Variants in CDH13 observed in about 807,000 individuals in gnomAD.
CDH13 encodes the protein cadherin 13.
In CDH13, 24 loss-of-function variants were observed where a neutral mutation model predicts 63.8. The observed-to-expected ratio is 0.38, with a 90% CI of 0.27 to 0.53. The LOEUF is 0.53. CDH13 is among the 20% of genes least tolerant of loss of function. The pLI is 0.85. For synonymous variants in CDH13, 503 were observed against 355.3 expected, an observed-to-expected ratio of 1.42 and a Z score of -4.67; for missense variants, 1,049 against 903.1, an observed-to-expected ratio of 1.16 and a Z score of -2.07.
intron 6 of CDH13, among the ~76,000 whole-genome samples, chr16:83,434,199 C>A (rs2072213895): frequency 6.6e-6 from 1 of 152,126 alleles, no homozygotes; most frequent in African/African-American, 2.4e-5. Flanking sequence ...AGCATCTCAA[C>A]GAACTCTGCT....
intron 3 of CDH13, among the ~76,000 whole-genome samples, chr16:83,076,442 G>T (rs2032841632): frequency 6.6e-6 from 1 of 152,128 alleles, no homozygotes; most frequent in Non-Finnish European, 1.5e-5. Flanking sequence ...TCCTTGCATG[G>T]CATTAAGGGA....
intron 3 of CDH13, among the ~76,000 whole-genome samples, chr16:83,035,390 C>G (rs1916756450): frequency 6.6e-6 from 1 of 152,264 alleles, no homozygotes; most frequent in African/African-American, 2.4e-5. Flanking sequence ...GGCTGGTCCT[C>G]AAAGCACCAA....
chr16:82,751,980 C>T (rs8048858), intron 1 of CDH13, among the ~76,000 whole-genome samples: 2,335 of 152,296 alleles, frequency 0.015, 58 homozygotes, highest in African/African-American at 0.053. Flanking sequence ...ACAGGCTAAA[C>T]GCCAACAAAC....
At chr16:83,713,464 G>A (rs1020935796) in intron 10 of CDH13, among the ~76,000 whole-genome samples, 1 of 150,162 alleles carries the variant, frequency 6.7e-6, no homozygotes, top group Admixed American at 6.6e-5. Flanking sequence ...GGGAAAACAC[G>A]AACCAAGTAG....
intron 5 of CDH13, among the ~76,000 whole-genome samples, chr16:83,256,093 G>A (rs1906226646): frequency 6.6e-6 from 1 of 152,178 alleles, no homozygotes; most frequent in East Asian, 1.9e-4. Flanking sequence ...AAGTACAGTG[G>A]CACCATCTTT....
In CDH13 at chr16:83,497,045, G is replaced by A. The variant is rs139948430; in HGVS notation, c.960+10390G>A. Among the ~76,000 whole-genome samples the A allele has an allele frequency of 4.0e-3, 612 of 152,230 alleles. 1 individual carries two copies. Among genetic ancestry groups the A allele is most frequent in the African/African-American group, 0.013 (520 of 41,536 alleles). On this transcript the variant is annotated intron_variant, in intron 7 of 13. Transcript: ENST00000567109. The stretch of plus-strand genomic sequence containing the variant: ...GGAGAGGATGTGGAGAAATAGGAAC[G>A]CTTTTACACTGTTGGTGGGACTGTA...
intron 6 of CDH13, among the ~76,000 whole-genome samples, chr16:83,369,240 T>G (rs1157754079): frequency 6.6e-6 from 1 of 151,882 alleles, no homozygotes; most frequent in African/African-American, 2.4e-5. Context: ...GGAACACTTT[T>G]TACACTGTTG....
chr16:83,343,863 G>C (rs890036752), intron 5 of CDH13, among the ~76,000 whole-genome samples: 24 of 152,128 alleles, frequency 1.6e-4, no homozygotes, highest in African/African-American at 5.8e-4. Flanking sequence ...AGATCCAAAG[G>C]GTTGTTATGA....
At chr16:83,578,344 C>T (rs8051769) in intron 7 of CDH13, among the ~76,000 whole-genome samples, 96,651 of 152,008 alleles carry the variant, frequency 0.64, 30,915 homozygotes, top group East Asian at 0.78. Context: ...GGGCACAGAC[C>T]GGGCGGTCAA....
At position 82,694,045 on chromosome 16, in the gene CDH13, A is replaced by C. The variant is rs768551850; in HGVS notation, c.45+66908A>C. Among the ~76,000 whole-genome samples, 48 of 152,242 alleles carry C rather than the reference A, an allele frequency of 3.2e-4. 1 individual carries two copies. The highest frequency in any genetic ancestry group is 6.5e-5 in the Admixed American group (1 of 15,284). On this transcript the variant is annotated intron_variant, in intron 1 of 13. Coordinates refer to ENST00000567109, the MANE Select transcript of CDH13 (RefSeq NM_001257.5). Reference sequence around the variant, plus strand: ...CAATGTCCACATCTGGATTAAAATAAAAATAAAACATATACTTAAACACTA... The same window carrying C: ...CAATGTCCACATCTGGATTAAAATACAAATAAAACATATACTTAAACACTA...
intron 6 of CDH13, among the ~76,000 whole-genome samples, chr16:83,429,830 G>C (rs187403028): frequency 1.1e-4 from 17 of 152,156 alleles, no homozygotes; most frequent in Admixed American, 2.0e-4. Context: ...TTTTTGAGTA[G>C]ACAATCCATT....
rs141666287 is a variant in CDH13, at chr16:82,647,823, A to G, written c.45+20686A>G. ...GCTGTCTGTCAGTGTCTAATGTGGT[A>G]AGTATCTGATATGGTTTGGCTGTGT... On this transcript the variant is annotated intron_variant, in intron 1 of 13. Transcript: ENST00000567109. Among the ~76,000 whole-genome samples the G allele has an allele frequency of 3.6e-3, 545 of 152,246 alleles. 6 individuals are homozygous for G. The highest frequency in any genetic ancestry group is 0.025 in the Admixed American group (376 of 15,298).
intron 2 of CDH13, among the ~76,000 whole-genome samples, chr16:82,989,525 G>A (rs1239705639): frequency 6.6e-6 from 1 of 152,178 alleles, no homozygotes; most frequent in Non-Finnish European, 1.5e-5. Flanking sequence ...TGAAGGCTGG[G>A]AATCCAGTCA....
chr16:83,683,706 A>G lies in CDH13; in HGVS notation c.1538+5245A>G, dbSNP rs540302829. Among the ~76,000 whole-genome samples the G allele has an allele frequency of 1.2e-4, 18 of 152,346 alleles. No homozygotes were observed. In the East Asian group the frequency reaches 2.7e-3, roughly 23 times the overall value. Reference sequence around the variant, plus strand: ...TGCTTATAGTGAAATTGTTTAATGCATCATTAATATCCTGAAGACAAGTCC... The same window carrying G: ...TGCTTATAGTGAAATTGTTTAATGCGTCATTAATATCCTGAAGACAAGTCC... On this transcript the variant is annotated intron_variant, in intron 10 of 13. Coordinates refer to ENST00000567109, the MANE Select transcript of CDH13 (RefSeq NM_001257.5).
chr16:82,686,142 A>G (rs1915048229), intron 1 of CDH13, among the ~76,000 whole-genome samples: 1 of 152,220 alleles, frequency 6.6e-6, no homozygotes, highest in African/African-American at 2.4e-5. Context: ...TTATCAAAAT[A>G]CAGGGTTATC....
intron 1 of CDH13, among the ~76,000 whole-genome samples, chr16:82,676,887 TTTTGTTTTG>T (rs1283573808): frequency 1.3e-5 from 2 of 150,308 alleles, no homozygotes; most frequent in African/African-American, 5.0e-5. Context: ...TTTTGTTTTG[TTTTGTTTTG>T]TTTTTTTCAA....
intron 6 of CDH13, among the ~76,000 whole-genome samples, chr16:83,461,240 C>G (rs1260665198): frequency 2.0e-5 from 3 of 151,904 alleles, no homozygotes; most frequent in African/African-American, 7.3e-5. Flanking sequence ...GTACATATTC[C>G]TATTTATATA....
At chr16:83,090,609 CAA>C (rs1315175368) in intron 3 of CDH13, among the ~76,000 whole-genome samples, 2 of 151,542 alleles carry the variant, frequency 1.3e-5, no homozygotes, top group African/African-American at 4.9e-5. Context: ...TGTCTCTGCT[CAA>C]AGAGAAGTCA....
intron 3 of CDH13, among the ~76,000 whole-genome samples, chr16:83,100,652 C>T (rs1320139450): frequency 6.6e-6 from 1 of 152,172 alleles, no homozygotes; most frequent in Non-Finnish European, 1.5e-5. Flanking sequence ...AACTTCATAA[C>T]CTATTCTTGC....
Sources: gnomAD v4.1 joint callset for allele counts (sites outside exome capture counted in the v4.1 genomes callset) on GRCh38, gnomAD v4.1.1 for gene constraint, MANE v1.5 for transcripts, NCBI Gene and HGNC (gene_info 2026-07-23, HGNC 2026-07-21) for gene names.